Variants in SASH1 observed in about 807,000 individuals in gnomAD.
SASH1 encodes the protein SAM and SH3 domain-containing protein 1.
Under a neutral mutation model 125.2 loss-of-function variants are expected in SASH1, and 44 were observed. The ratio of observed to expected loss-of-function variants is 0.35; its 90% CI spans 0.28 to 0.45. The LOEUF (loss-of-function observed/expected upper bound fraction) is 0.45. Among genes scored for constraint, SASH1 ranks in the 20% least tolerant of loss-of-function variants. The probability of loss-of-function intolerance (pLI) is 1.00; values close to 1 mark genes in which losing one functional copy is unlikely to be tolerated. For missense variants in SASH1, 1,426 were observed against 1,614.5 expected, an observed-to-expected ratio of 0.88 and a Z score of 2.00; for synonymous variants, 639 against 649.1, an observed-to-expected ratio of 0.98 and a Z score of 0.24.
intron 1 of SASH1, among the ~76,000 whole-genome samples, chr6:148,273,777 C>A (rs185108040): frequency 6.6e-6 from 1 of 152,320 alleles, no homozygotes; most frequent in Admixed American, 6.5e-5. Context: ...CAAGTTGAGG[C>A]CTCTCAGGTG....
chr6:148,443,494 A>G (rs189091433), intron 4 of SASH1, among the ~76,000 whole-genome samples: 32 of 147,344 alleles, frequency 2.2e-4, no homozygotes, highest in African/African-American at 7.2e-4. Flanking sequence ...TATATATTTT[A>G]TATATATGTA....
chr6:148,480,953 T>C (rs1430530565), intron 7 of SASH1, among the ~76,000 whole-genome samples: 1 of 150,814 alleles, frequency 6.6e-6, no homozygotes, highest in Non-Finnish European at 1.5e-5. Context: ...TTAACAGACA[T>C]TTTCTAATAG....
At chr6:148,411,166 CAAAAAAAAAAAAAAA>C (rs56342457) in intron 2 of SASH1, among the ~76,000 whole-genome samples, 19 of 46,182 alleles carry the variant, frequency 4.1e-4, no homozygotes, top group South Asian at 1.7e-3. Flanking sequence ...ACTCCATCTC[CAAAAAAAAAAAAAAA>C]AAAAAAAAAA....
intron 1 of SASH1, among the ~76,000 whole-genome samples, chr6:148,387,612 CTT>C (rs1239547820): frequency 2.1e-4 from 4 of 18,732 alleles, no homozygotes; most frequent in Non-Finnish European, 3.2e-4. Flanking sequence ...TTCTTTCTTT[CTT>C]TCTTTCTTTC....
chr6:148,489,984 G>C (rs1301385805), intron 8 of SASH1, among the ~76,000 whole-genome samples: 1 of 132,550 alleles, frequency 7.5e-6, no homozygotes, highest in Non-Finnish European at 1.6e-5. Flanking sequence ...AGTAAGCTGT[G>C]ATTGTACCAC....
intron 1 of SASH1, among the ~76,000 whole-genome samples, chr6:148,379,193 G>A (rs1035219403): frequency 1.3e-5 from 2 of 152,094 alleles, no homozygotes; most frequent in Admixed American, 6.5e-5. Context: ...GAATTCATGA[G>A]GAATCACCAA....
At chr6:148,389,280 T>C (rs950002001) in intron 1 of SASH1, among the ~76,000 whole-genome samples, 4 of 152,156 alleles carry the variant, frequency 2.6e-5, no homozygotes, top group Non-Finnish European at 5.9e-5. Context: ...TCCTCAGAGG[T>C]TGAGACGTGC....
At chr6:148,534,691 C>T (rs934849790) in intron 15 of SASH1, 60 bp from the exon 16 acceptor site, 55 of 1,545,056 alleles carry the variant, frequency 3.6e-5, no homozygotes, top group Admixed American at 2.0e-4. Context: ...TAGTTGTTGG[C>T]GGTGTTATCA....
In SASH1 at chr6:148,532,881, C is replaced by T. The variant is rs1383626702; in HGVS notation, c.1649C>T (p.Pro550Leu). Reference sequence around the variant, plus strand: ...GAAGATGGGGATGACGAAGAGCCGCCTTACCGAGGCCCGTTCTGCGGGCGT... The same window carrying T: ...GAAGATGGGGATGACGAAGAGCCGCTTTACCGAGGCCCGTTCTGCGGGCGT... ...KSEDGDDEEPPYRGPFCGRAR... is the reference protein window; with the variant it reads ...KSEDGDDEEPLYRGPFCGRAR... The change falls in exon 14 of 20, where the codon CCT becomes CTT. Residue 550 changes from proline (P) to leucine (L), a missense_variant. Physicochemically the swap from Pro to Leu is moderately conservative, Grantham distance 98. Transcript: ENST00000367467. This position sits in a 1 kb window ranked among gnomAD's most constrained non-coding sequence, Gnocchi z 4.7. The T allele has an allele frequency of 1.2e-6, 2 of 1,614,224 alleles. No homozygotes were observed.
chr6:148,393,930 T>C (rs1005901336), intron 2 of SASH1, among the ~76,000 whole-genome samples: 10 of 150,630 alleles, frequency 6.6e-5, no homozygotes, highest in African/African-American at 2.2e-4. Context: ...TTTGCTCTTG[T>C]TGCCCAGGGT....
At chr6:148,432,194 C>A (rs1022741273) in intron 2 of SASH1, among the ~76,000 whole-genome samples, 5 of 152,120 alleles carry the variant, frequency 3.3e-5, no homozygotes, top group African/African-American at 1.2e-4. Flanking sequence ...AGGCTGGTCT[C>A]AAACTCCCGA....
chr6:148,284,901 T>A (rs974547026), intron 1 of SASH1, among the ~76,000 whole-genome samples: 1 of 152,188 alleles, frequency 6.6e-6, no homozygotes, highest in East Asian at 1.9e-4. Context: ...GGTATGAACG[T>A]TTTTAAGGCC....
At chr6:148,516,473 T>G (rs980365296) in intron 9 of SASH1, among the ~76,000 whole-genome samples, 1 of 150,682 alleles carries the variant, frequency 6.6e-6, no homozygotes, top group African/African-American at 2.4e-5. Flanking sequence ...GCAGGAAGGA[T>G]TCATACGCCA....
At chr6:148,303,447 G>A (rs1451475970) in intron 1 of SASH1, among the ~76,000 whole-genome samples, 1 of 152,102 alleles carries the variant, frequency 6.6e-6, no homozygotes, top group Non-Finnish European at 1.5e-5. Flanking sequence ...GACTATAATG[G>A]AATTAAATTA....
the SASH1 span, among the ~76,000 whole-genome samples, chr6:148,234,164 T>C: frequency 5.3e-5 from 8 of 151,940 alleles, no homozygotes; most frequent in East Asian, 1.6e-3. Flanking sequence ...CAGCCTCCAG[T>C]GTAGCTGGGA....
intron 17 of SASH1, 39 bp downstream of exon 17, chr6:148,540,595 A>G (rs1352101280): frequency 6.9e-6 from 10 of 1,454,814 alleles, no homozygotes; most frequent in Non-Finnish European, 9.6e-6. Context: ...TGCTTTGACA[A>G]GTACTGATTT....
At chr6:148,459,760 C>CA (rs1413465296) in intron 4 of SASH1, among the ~76,000 whole-genome samples, 1 of 152,116 alleles carries the variant, frequency 6.6e-6, no homozygotes, top group Non-Finnish European at 1.5e-5. Flanking sequence ...TTAGCATGTG[C>CA]AGGCATGTAG....
the SASH1 span, among the ~76,000 whole-genome samples, chr6:148,240,841 C>T: frequency 6.6e-6 from 1 of 152,168 alleles, no homozygotes; most frequent in African/African-American, 2.4e-5. Flanking sequence ...AGAGAAAAGG[C>T]ATAGCCAATG....
chr6:148,463,337 G>A (rs1777702493), intron 4 of SASH1, among the ~76,000 whole-genome samples: 1 of 152,046 alleles, frequency 6.6e-6, no homozygotes, highest in Non-Finnish European at 1.5e-5. Context: ...TAGACATGGG[G>A]TTTCACCATG....
Sources: allele counts gnomAD v4.1 joint callset (sites outside exome capture counted in the v4.1 genomes callset), GRCh38; gene constraint gnomAD v4.1.1; non-coding constraint Gnocchi (gnomAD v3.1); transcripts MANE v1.5; gene names NCBI Gene and HGNC (gene_info 2026-07-23, HGNC 2026-07-21).